Variants in FNDC1 observed in about 807,000 individuals in gnomAD.
FNDC1 encodes fibronectin type III domain-containing protein 1.
FNDC1 carries 96 observed loss-of-function variants against 168.0 expected under a neutral mutation model. That is an observed-to-expected ratio of 0.57 (90% CI 0.48 to 0.68). The LOEUF is 0.68. FNDC1 is among the 30% of genes least tolerant of loss of function. FNDC1 has a pLI of 0.00. For missense variants in FNDC1, 2,587 were observed against 2,482.1 expected, an observed-to-expected ratio of 1.04 and a Z score of -0.90; for synonymous variants, 1,099 against 1,025.9, an observed-to-expected ratio of 1.07 and a Z score of -1.36.
At chr6:159,263,452 C>T (rs116003960) in intron 19 of FNDC1, among the ~76,000 whole-genome samples, 1,610 of 152,146 alleles carry the variant, frequency 0.011, 9 homozygotes, top group Non-Finnish European at 0.013. Flanking sequence ...TTACCTAGTT[C>T]GTGGCATTTT....
chr6:159,226,191 T>A lies in FNDC1; in HGVS notation c.1073-282T>A, dbSNP rs575444142. On this transcript the variant is annotated intron_variant, in intron 8 of 22. Transcript: ENST00000297267. Reference sequence around the variant, plus strand: ...TCATTAAGAAGAAGTTGGAACTGGATCTTAATCTTCTTTGTATATTTCAAT... The same window carrying A: ...TCATTAAGAAGAAGTTGGAACTGGAACTTAATCTTCTTTGTATATTTCAAT... Among the ~76,000 whole-genome samples, 8 of 152,346 alleles carry A rather than the reference T, an allele frequency of 5.3e-5. No individual in the cohort carries two copies. The East Asian group carries it at 1.5e-3, about 29-fold the overall frequency.
chr6:159,268,137 C>T (rs558868477), intron 22 of FNDC1, among the ~76,000 whole-genome samples: 46 of 152,118 alleles, frequency 3.0e-4, no homozygotes, highest in Non-Finnish European at 4.6e-4. Flanking sequence ...AGGTGGGGAA[C>T]GGCATGAACA....
intron 4 of FNDC1, among the ~76,000 whole-genome samples, chr6:159,210,157 C>T (rs567803553): frequency 9.2e-5 from 14 of 152,320 alleles, no homozygotes; most frequent in South Asian, 6.2e-4. Context: ...CCACATCCTT[C>T]GCCAGTGTGA....
chr6:159,225,713 C>T lies in FNDC1; in HGVS notation c.1063C>T (p.Pro355Ser), dbSNP rs767303193. The change falls in exon 8 of 23, where the codon CCA becomes TCA. Residue 355 changes from proline (P) to serine (S), a missense_variant. Transcript: ENST00000297267. ...GAGTACGTCAGTCTTCCAAAGAACACCAGAATCTGGTCTGTATTTGAAATG... is the reference window on the plus strand; with the variant it reads ...GAGTACGTCAGTCTTCCAAAGAACATCAGAATCTGGTCTGTATTTGAAATG... The part of the protein sequence containing the change: ...KWSTSVFQRT[P>S]ESAPTTAPEN... 2.3e-5 allele frequency: 37 copies of T among 1,607,292 alleles called. No individual in the cohort carries two copies. Among genetic ancestry groups the T allele is most frequent in the Non-Finnish European group, 3.1e-5 (36 of 1,175,236 alleles).
intron 4 of FNDC1, among the ~76,000 whole-genome samples, chr6:159,213,269 G>T (rs1167074488): frequency 2.0e-5 from 3 of 152,142 alleles, no homozygotes; most frequent in Non-Finnish European, 1.5e-5. Context: ...AACCTGGCAT[G>T]GTGCAGGACA....
At chr6:159,183,060 G>C (rs1431211935) in intron 1 of FNDC1, among the ~76,000 whole-genome samples, 1 of 152,214 alleles carries the variant, frequency 6.6e-6, no homozygotes, top group Non-Finnish European at 1.5e-5. Context: ...CAGGTGTTCT[G>C]TGGCATTTAT....
intron 11 of FNDC1, 29 bp from the exon 12 acceptor site, chr6:159,236,186 C>G (rs984294745): frequency 1.8e-5 from 27 of 1,534,908 alleles, no homozygotes; most frequent in Non-Finnish European, 2.4e-5. Flanking sequence ...TTACCAGGCT[C>G]TGTTATTTTT....
intron 1 of FNDC1, among the ~76,000 whole-genome samples, chr6:159,191,640 T>C (rs1782142307): frequency 6.6e-6 from 1 of 152,222 alleles, no homozygotes; most frequent in African/African-American, 2.4e-5. Context: ...AATGTAAGCA[T>C]GCTTATCAGT....
intron 4 of FNDC1, among the ~76,000 whole-genome samples, chr6:159,203,257 C>T (rs1389241761): frequency 6.6e-6 from 1 of 152,148 alleles, no homozygotes; most frequent in African/African-American, 2.4e-5. Flanking sequence ...GCCCATAACA[C>T]ATCATGAATT....
At chr6:159,261,559 C>T (rs1299435033) in intron 19 of FNDC1, among the ~76,000 whole-genome samples, 1 of 152,140 alleles carries the variant, frequency 6.6e-6, no homozygotes, top group Admixed American at 6.5e-5. Context: ...TCTATCTGTA[C>T]AAAATTTAGT....
intron 4 of FNDC1, among the ~76,000 whole-genome samples, chr6:159,201,244 C>T (rs1782371950): frequency 6.6e-6 from 1 of 152,212 alleles, no homozygotes; most frequent in African/African-American, 2.4e-5. Context: ...TGGTGAGGAG[C>T]TGTGTTTTAT....
chr6:159,238,518 G>T, intron 12 of FNDC1, 36 bp from the exon 13 acceptor site: 1 of 1,446,322 alleles, frequency 6.9e-7, no homozygotes, highest in Non-Finnish European at 9.6e-7. Context: ...ATTTCAAAAT[G>T]TCCAATATAT....
At position 159,232,900 on chromosome 6, in the gene FNDC1, C is replaced by T. The variant is rs763282736; in HGVS notation, c.2388C>T (p.Asp796=). The T allele has an allele frequency of 7.4e-6, 12 of 1,612,480 alleles. No homozygotes were observed. Among genetic ancestry groups the T allele is most frequent in the Admixed American group, 6.7e-5 (4 of 59,960 alleles). Residue 796 remains aspartate, a synonymous_variant, in exon 11 of 23, where the codon GAC becomes GAT. Transcript: ENST00000297267. This position sits in a 1 kb window ranked among gnomAD's most constrained non-coding sequence, Gnocchi z 4.9. ...GCCACGGTGACGGCGATAGGGAAGA[C>T]GGCGGAAGGCAGGCGGAGGCCACGG... The part of the protein sequence containing the change: ...GESHGDGDRE[D]GGRQAEATAQ...
chr6:159,242,675 C>T (rs922107920), intron 14 of FNDC1, among the ~76,000 whole-genome samples: 2 of 152,170 alleles, frequency 1.3e-5, no homozygotes, highest in Non-Finnish European at 2.9e-5. Context: ...AAACTCCGTA[C>T]TCATTAGCAG....
intron 1 of FNDC1, among the ~76,000 whole-genome samples, chr6:159,174,613 C>G (rs575503244): frequency 1.3e-5 from 2 of 152,382 alleles, no homozygotes; most frequent in South Asian, 4.1e-4. Flanking sequence ...GGCAATTTTT[C>G]TACTCATTGG....
At chr6:159,231,773 G>T in intron 10 of FNDC1, 109 bp from the exon 11 acceptor site, 4 of 816,930 alleles carry the variant, frequency 4.9e-6, no homozygotes, top group South Asian at 2.0e-5. Flanking sequence ...TAGCCATTAT[G>T]ACTACTGATT....
chr6:159,225,598 T>C lies in FNDC1; in HGVS notation c.948T>C (p.Ala316=). Residue 316 remains alanine, a synonymous_variant, in exon 8 of 23, where the codon GCT becomes GCC. Transcript: ENST00000297267. The part of the protein sequence containing the change: ...ELARWDYKQI[A]NRRVLIENLI... ...CCAGGTGGGATTATAAGCAGATCGC[T>C]AACAGGCGTGTGCTGATTGAGAACC... 1 of 1,613,984 alleles carries C rather than the reference T, an allele frequency of 6.2e-7. No homozygotes were observed. The highest frequency in any genetic ancestry group is 8.5e-7 in the Non-Finnish European group (1 of 1,179,884).
intron 9 of FNDC1, among the ~76,000 whole-genome samples, chr6:159,227,996 G>A (rs1343634249): frequency 6.6e-6 from 1 of 152,002 alleles, no homozygotes; most frequent in Non-Finnish European, 1.5e-5. Flanking sequence ...ATTAAGTATT[G>A]TTGTGCTGCC....
chr6:159,233,064 C>T lies in FNDC1; in HGVS notation c.2552C>T (p.Ser851Leu), dbSNP rs1356597984. ...CTGCAGCCCTCCAGCTCCCCACAGT[C>T]GACTGTGCCCTCCCGAGCCCACCCC... ...PRLQPSSSPQSTVPSRAHPRV... is the reference protein window; with the variant it reads ...PRLQPSSSPQLTVPSRAHPRV... Residue 851 changes from serine to leucine, a missense_variant, in exon 11 of 23, where the codon TCG becomes TTG. Transcript: ENST00000297267. This position sits in a 1 kb window ranked among gnomAD's most constrained non-coding sequence, Gnocchi z 4.6. 6.2e-7 allele frequency: 1 copy of T among 1,608,886 alleles called. No homozygotes were observed. The highest frequency in any genetic ancestry group is 8.5e-7 in the Non-Finnish European group (1 of 1,177,872).
Sources: allele counts gnomAD v4.1 joint callset (sites outside exome capture counted in the v4.1 genomes callset), GRCh38; gene constraint gnomAD v4.1.1; non-coding constraint Gnocchi (gnomAD v3.1); transcripts MANE v1.5; gene names NCBI Gene and HGNC (gene_info 2026-07-23, HGNC 2026-07-21).